Variants in BCAS3 observed in about 807,000 individuals in gnomAD.
BCAS3 encodes the protein BCAS4/BCAS3 fusion.
Under a neutral mutation model 116.1 loss-of-function variants are expected in BCAS3, and 53 were observed. That is an observed-to-expected ratio of 0.46 (90% CI 0.37 to 0.57). The LOEUF is 0.57. BCAS3 is among the 20% of genes least tolerant of loss of function. The pLI is 0.00. For synonymous variants in BCAS3, 391 were observed against 408.2 expected, an observed-to-expected ratio of 0.96 and a Z score of 0.51; for missense variants, 917 against 1,165.4, an observed-to-expected ratio of 0.79 and a Z score of 3.10.
At chr17:61,260,526 C>G (rs555701049) in intron 22 of BCAS3, among the ~76,000 whole-genome samples, 1 of 152,294 alleles carries the variant, frequency 6.6e-6, no homozygotes, top group East Asian at 1.9e-4. Context: ...GACATGAAGG[C>G]TGACAACTCT....
rs1034656461 is a variant in BCAS3 at position 61,017,631 on chromosome 17, T to C, written c.1637+1730T>C. Among the ~76,000 whole-genome samples the C allele has an allele frequency of 6.6e-6, 1 of 152,224 alleles. No homozygotes were observed. Among genetic ancestry groups the C allele is most frequent in the African/African-American group, 2.4e-5 (1 of 41,466 alleles). On this transcript the variant is annotated intron_variant, in intron 16 of 23. Transcript: ENST00000407086. The surrounding 1 kb of genome is among the most constrained non-coding windows in gnomAD (Gnocchi z 4.7). ...ATGCAAAGAATTAGCTCTCTTTTTC[T>C]AATGAGCTTCTCCAAATATATCTCT...
chr17:60,886,694 A>G (rs1312398561), intron 9 of BCAS3, among the ~76,000 whole-genome samples: 3 of 151,892 alleles, frequency 2.0e-5, no homozygotes, highest in South Asian at 4.2e-4. Flanking sequence ...GTCTGTTGGA[A>G]TAACCTGCCG....
intron 7 of BCAS3, chr17:60,811,435 C>A (rs1024623616): frequency 1.7e-6 from 1 of 599,686 alleles, no homozygotes; most frequent in African/African-American, 1.9e-5. Flanking sequence ...TGTCTGAGAC[C>A]AGCGACATCA....
intron 23 of BCAS3, among the ~76,000 whole-genome samples, chr17:61,386,110 T>G (rs903250310): frequency 2.6e-5 from 4 of 152,234 alleles, no homozygotes; most frequent in Admixed American, 6.5e-5. Flanking sequence ...TCTACATGCA[T>G]TATTTAATTT....
intron 22 of BCAS3, among the ~76,000 whole-genome samples, chr17:61,301,309 GT>G (rs1184097753): frequency 6.6e-6 from 1 of 152,196 alleles, no homozygotes; most frequent in Non-Finnish European, 1.5e-5. Context: ...AATCCCTGGT[GT>G]AAATTGCAAC....
intron 7 of BCAS3, among the ~76,000 whole-genome samples, chr17:60,816,704 A>T (rs118154069): frequency 5.9e-5 from 9 of 152,240 alleles, no homozygotes; most frequent in African/African-American, 2.2e-4. Flanking sequence ...GAGAATGTAC[A>T]TAAAACAGAA....
intron 6 of BCAS3, among the ~76,000 whole-genome samples, chr17:60,797,358 TTTTATTTATTTA>T (rs550694588): frequency 5.9e-5 from 9 of 151,728 alleles, no homozygotes; most frequent in African/African-American, 2.2e-4. Flanking sequence ...TTATTTTTAC[TTTTATTTATTTA>T]TTTATTTATT....
At chr17:60,888,039 C>G (rs9303429) in intron 9 of BCAS3, among the ~76,000 whole-genome samples, 47,161 of 152,000 alleles carry the variant, frequency 0.31, 12,389 homozygotes, top group African/African-American at 0.72. Flanking sequence ...TGTTTTCAGA[C>G]TTTACCTGGA....
chr17:60,999,546 CAAAA>C (rs1021249439), intron 15 of BCAS3, among the ~76,000 whole-genome samples: 1 of 62,904 alleles, frequency 1.6e-5, no homozygotes. Context: ...GACTGTGTCT[CAAAA>C]AAAAAAAAAA....
At chr17:60,880,824 C>T (rs2144945344) in intron 9 of BCAS3, among the ~76,000 whole-genome samples, 1 of 152,200 alleles carries the variant, frequency 6.6e-6, no homozygotes, top group Middle Eastern at 3.4e-3. Flanking sequence ...TATCTCTGTC[C>T]ATTTTTAAAT....
At position 61,368,311 on chromosome 17, in the gene BCAS3, C is replaced by A; in HGVS notation, c.2426-16C>A. The A allele has an allele frequency of 6.3e-7, 1 of 1,578,412 alleles. No individual in the cohort carries two copies. The highest frequency in any genetic ancestry group is 1.1e-5 in the South Asian group (1 of 88,186). On this transcript the variant is annotated splice_polypyrimidine_tract_variant and intron_variant, in intron 22 of 23. Coordinates refer to ENST00000407086, the MANE Select transcript of BCAS3 (RefSeq NM_017679.5). This position sits in a 1 kb window ranked among gnomAD's most constrained non-coding sequence, Gnocchi z 6.0. ...AAGGTGTGGACTCAACGTCAGATGT[C>A]CCGTGTGTGCCACAGGTACCTTTGA...
chr17:61,088,799 T>C lies in BCAS3; in HGVS notation c.2425+4235T>C, dbSNP rs979213785. On this transcript the variant is annotated intron_variant, in intron 22 of 23. Coordinates refer to ENST00000407086, the MANE Select transcript of BCAS3 (RefSeq NM_017679.5). The surrounding 1 kb of genome is among the most constrained non-coding windows in gnomAD (Gnocchi z 4.2). ...TAATTGAGATCGAAAGACAAACTTATGCGTGACTCATATGCAGAGCAGACA... is the reference window on the plus strand; with the variant it reads ...TAATTGAGATCGAAAGACAAACTTACGCGTGACTCATATGCAGAGCAGACA... Among the ~76,000 whole-genome samples the C allele has an allele frequency of 6.6e-6, 1 of 152,228 alleles. No individual in the cohort carries two copies. The highest frequency in any genetic ancestry group is 2.4e-5 in the African/African-American group (1 of 41,458).
Position 61,224,221 on chromosome 17 carries a change from G to A in BCAS3, c.2425+139657G>A, listed in dbSNP as rs2082261853. 6.6e-6 allele frequency among the ~76,000 whole-genome samples: 1 copy of A among 152,134 alleles called. No homozygotes were observed. ...GTGCATCTCTGTACCATGGATGATG[G>A]GAAGATATACAAAGTAAAGTTCTTG... On this transcript the variant is annotated intron_variant, in intron 22 of 23. Transcript: ENST00000407086. This position sits in a 1 kb window ranked among gnomAD's most constrained non-coding sequence, Gnocchi z 5.7.
chr17:61,181,254 A>G lies in BCAS3; in HGVS notation c.2425+96690A>G, dbSNP rs1262910912. ...ATTGGTATGACTGGTGAGGAACAAG[A>G]TGATTCGTTCCTTGCCTAAGCCCAT... On this transcript the variant is annotated intron_variant, in intron 22 of 23. Transcript: ENST00000407086. The surrounding 1 kb of genome is among the most constrained non-coding windows in gnomAD (Gnocchi z 5.0). Among the ~76,000 whole-genome samples the G allele has an allele frequency of 6.6e-6, 1 of 152,170 alleles. No homozygotes were observed. Among genetic ancestry groups the G allele is most frequent in the African/African-American group, 2.4e-5 (1 of 41,438 alleles).
chr17:61,083,546 A>C lies in BCAS3; in HGVS notation c.2328-921A>C, dbSNP rs539777486. 1.3e-5 allele frequency among the ~76,000 whole-genome samples: 2 copies of C among 151,696 alleles called. No individual in the cohort carries two copies. Among genetic ancestry groups the C allele is most frequent in the Non-Finnish European group, 2.9e-5 (2 of 67,968 alleles). On this transcript the variant is annotated intron_variant, in intron 21 of 23. Transcript: ENST00000407086. The surrounding 1 kb of genome is among the most constrained non-coding windows in gnomAD (Gnocchi z 4.9). ...CTTTTATGTTAATAGTATTTATTCT[A>C]ATGCAGCTAGAAAGAGACACTCGGC...
At chr17:60,770,400 CTTTTTTTTTTTTTTTTTTT>C (rs35691381) in intron 6 of BCAS3, among the ~76,000 whole-genome samples, 63 of 76,906 alleles carry the variant, frequency 8.2e-4, no homozygotes, top group East Asian at 1.6e-3. Flanking sequence ...AGTGTTCCCT[CTTTTTTTTTTTTTTTTTTT>C]TTTTTTTTTT....
At chr17:61,237,952 T>C (rs1305617080) in intron 22 of BCAS3, among the ~76,000 whole-genome samples, 1 of 152,184 alleles carries the variant, frequency 6.6e-6, no homozygotes, top group Non-Finnish European at 1.5e-5. Context: ...GAGAATTGCT[T>C]TACAGGGGTG....
Position 61,098,968 on chromosome 17 carries a change from C to T in BCAS3, c.2425+14404C>T, listed in dbSNP as rs560841663. ...TGAAACCCCATCTCTACTAAAAATA[C>T]GAAAAATTAGCCGGGCATGGTGGCG... is the stretch of plus-strand genomic sequence containing the variant. On this transcript the variant is annotated intron_variant, in intron 22 of 23. Transcript: ENST00000407086. The surrounding 1 kb of genome is among the most constrained non-coding windows in gnomAD (Gnocchi z 4.2). Among the ~76,000 whole-genome samples, 9 of 152,020 alleles carry T rather than the reference C, an allele frequency of 5.9e-5. No individual in the cohort carries two copies. Among genetic ancestry groups the T allele is most frequent in the African/African-American group, 1.9e-4 (8 of 41,490 alleles).
intron 14 of BCAS3, among the ~76,000 whole-genome samples, chr17:60,985,646 C>T (rs923548624): frequency 6.6e-6 from 1 of 152,054 alleles, no homozygotes; most frequent in African/African-American, 2.4e-5. Context: ...ACCCATTAGC[C>T]ATCCCTACTC....
Sources: allele counts gnomAD v4.1 joint callset (sites outside exome capture counted in the v4.1 genomes callset), GRCh38; gene constraint gnomAD v4.1.1; non-coding constraint Gnocchi (gnomAD v3.1); transcripts MANE v1.5; gene names NCBI Gene and HGNC (gene_info 2026-07-23, HGNC 2026-07-21).